The following MAN1A1 variants were observed in gnomAD, a reference collection of about 807,000 sequenced individuals.
MAN1A1 encodes mannosyl-oligosaccharide 1,2-alpha-mannosidase IA.
MAN1A1 carries 29 observed loss-of-function variants against 70.8 expected under a neutral mutation model. The ratio of observed to expected loss-of-function variants is 0.41; its 90% CI spans 0.31 to 0.56. MAN1A1 has a LOEUF of 0.56. Ranked by LOEUF, MAN1A1 falls within the 20% of genes least tolerant of loss-of-function variation. The pLI is 0.29. For missense variants in MAN1A1, 747 were observed against 841.3 expected (o/e 0.89, Z 1.39); for synonymous variants, 349 against 330.1 (o/e 1.06, Z -0.62).
At chr6:119,180,283 C>T in intron 12 of MAN1A1, 29 bp downstream of exon 12, 5 of 1,490,536 alleles carry the variant, frequency 3.4e-6, no homozygotes, top group Non-Finnish European at 4.7e-6. Flanking sequence ...GTACCTTAGC[C>T]ACATGGTTTT....
intron 7 of MAN1A1, 96 bp from the exon 8 acceptor site, chr6:119,201,443 CAG>C (rs1286164899): frequency 3.8e-6 from 3 of 782,044 alleles, no homozygotes; most frequent in Non-Finnish European, 4.4e-6. Context: ...TTAAATGATG[CAG>C]AGTTAGAACA....
intron 6 of MAN1A1, among the ~76,000 whole-genome samples, chr6:119,230,540 C>T (rs975439169): frequency 6.6e-6 from 1 of 152,004 alleles, no homozygotes; most frequent in Non-Finnish European, 1.5e-5. Context: ...TTCTCTTCCC[C>T]TAGCTCTCAT....
At chr6:119,317,734 T>C (rs1772893971) in intron 2 of MAN1A1, among the ~76,000 whole-genome samples, 1 of 152,182 alleles carries the variant, frequency 6.6e-6, no homozygotes, top group East Asian at 1.9e-4. Context: ...GTATAAGCAT[T>C]TCCTTTTTGA....
chr6:119,312,837 C>T (rs1378565752), intron 2 of MAN1A1, among the ~76,000 whole-genome samples: 1 of 152,200 alleles, frequency 6.6e-6, no homozygotes, highest in African/African-American at 2.4e-5. Flanking sequence ...TATATGGGAA[C>T]TCTCTATACT....
At chr6:119,303,351 CTCCAGAT>C (rs1296222621) in intron 3 of MAN1A1, among the ~76,000 whole-genome samples, 1 of 152,182 alleles carries the variant, frequency 6.6e-6, no homozygotes, top group Non-Finnish European at 1.5e-5. Context: ...CATGTCTTAT[CTCCAGAT>C]TCCTTATGGT....
chr6:119,193,922 T>C, intron 8 of MAN1A1, 30 bp from the exon 9 acceptor site: 1 of 1,425,376 alleles, frequency 7.0e-7, no homozygotes, highest in Non-Finnish European at 9.9e-7. Context: ...AATTTTAGAG[T>C]GATTCAGCTT....
At chr6:119,337,315 T>C (rs1190863593) in intron 2 of MAN1A1, among the ~76,000 whole-genome samples, 1 of 152,134 alleles carries the variant, frequency 6.6e-6, no homozygotes, top group Admixed American at 6.5e-5. Context: ...GTATATACAT[T>C]AGAAAGGACT....
chr6:119,312,889 T>C (rs990023819), intron 2 of MAN1A1, among the ~76,000 whole-genome samples: 22 of 152,212 alleles, frequency 1.4e-4, no homozygotes, highest in African/African-American at 4.1e-4. Context: ...GCTCAGAAAA[T>C]ACAGCTTACT....
intron 6 of MAN1A1, among the ~76,000 whole-genome samples, chr6:119,214,962 A>C (rs1385512735): frequency 6.6e-6 from 1 of 151,704 alleles, no homozygotes; most frequent in Non-Finnish European, 1.5e-5. Flanking sequence ...GCATTTTAAA[A>C]TTAGAGATAC....
intron 2 of MAN1A1, among the ~76,000 whole-genome samples, chr6:119,332,913 A>G (rs1207180113): frequency 6.6e-6 from 1 of 152,188 alleles, no homozygotes; most frequent in Non-Finnish European, 1.5e-5. Context: ...TCCGGGCTGC[A>G]TAACACACAA....
Position 119,179,713 on chromosome 6 carries a change from T to C in MAN1A1, c.*106A>G, listed in dbSNP as rs1402806900. ...ACTGCAAAACAATTTAAGAACTTAATCACAGACCTACTAATCAAAGTTCAT... is the reference window on the plus strand; with the variant it reads ...ACTGCAAAACAATTTAAGAACTTAACCACAGACCTACTAATCAAAGTTCAT... On this transcript the variant is annotated 3_prime_UTR_variant, in exon 13 of 13. Coordinates refer to ENST00000368468, the MANE Select transcript of MAN1A1 (RefSeq NM_005907.4). 1 of 1,058,786 alleles carries C rather than the reference T, an allele frequency of 9.4e-7. No homozygotes were observed. Among genetic ancestry groups the C allele is most frequent in the African/African-American group, 1.6e-5 (1 of 62,766 alleles). The allele number at this position is 1,058,786 out of a possible 1,614,324, so 65.6% of individuals were successfully genotyped here. A position where few individuals can be genotyped will look rare whatever the true frequency, so the allele number is the denominator to read the frequency against.
intron 2 of MAN1A1, among the ~76,000 whole-genome samples, chr6:119,320,226 C>T (rs764942471): frequency 1.2e-4 from 18 of 152,278 alleles, no homozygotes; most frequent in Non-Finnish European, 2.5e-4. Context: ...CCTGCCTCCG[C>T]CTCCCAAAGT....
rs147812726 is a variant in MAN1A1 at position 119,202,660 on chromosome 6, G to A, written c.1117-1313C>T. Among the ~76,000 whole-genome samples the A allele has an allele frequency of 3.3e-3, 506 of 152,156 alleles. 5 individuals carry two copies. The highest frequency in any genetic ancestry group is 0.012 in the African/African-American group (482 of 41,500). Reference sequence around the variant, plus strand: ...ACATGTAAGTAACGCATTGCACTACGACATTATGACAACTATGATGTCACA... The same window carrying A: ...ACATGTAAGTAACGCATTGCACTACAACATTATGACAACTATGATGTCACA... On this transcript the variant is annotated intron_variant, in intron 7 of 12. Transcript: ENST00000368468.
intron 6 of MAN1A1, among the ~76,000 whole-genome samples, chr6:119,207,765 G>A (rs1035259248): frequency 2.0e-5 from 3 of 152,204 alleles, no homozygotes; most frequent in African/African-American, 7.2e-5. Flanking sequence ...AAATGGGGGG[G>A]TTGGTGACAA....
At chr6:119,293,245 T>C (rs960202969) in intron 4 of MAN1A1, among the ~76,000 whole-genome samples, 1 of 152,124 alleles carries the variant, frequency 6.6e-6, no homozygotes, top group Non-Finnish European at 1.5e-5. Context: ...GCCAGAAATA[T>C]ATCTTCAGCT....
At chr6:119,240,222 G>A (rs1582726595) in intron 6 of MAN1A1, among the ~76,000 whole-genome samples, 1 of 151,968 alleles carries the variant, frequency 6.6e-6, no homozygotes, top group Non-Finnish European at 1.5e-5. Flanking sequence ...AGCAACTCTC[G>A]GGATAAACTG....
intron 2 of MAN1A1, among the ~76,000 whole-genome samples, chr6:119,309,747 A>AC (rs1399463128): frequency 6.6e-6 from 1 of 152,236 alleles, no homozygotes; most frequent in African/African-American, 2.4e-5. Context: ...TGTGAAAGGA[A>AC]ACAAAGGACC....
intron 7 of MAN1A1, among the ~76,000 whole-genome samples, chr6:119,202,502 A>G (rs1476509993): frequency 1.3e-5 from 2 of 152,230 alleles, no homozygotes; most frequent in Admixed American, 6.5e-5. Context: ...TAAAATAACA[A>G]TAAAAACCAT....
intron 6 of MAN1A1, among the ~76,000 whole-genome samples, chr6:119,210,402 T>C (rs1774014978): frequency 1.3e-5 from 2 of 152,164 alleles, no homozygotes; most frequent in Admixed American, 1.3e-4. Flanking sequence ...TTGGTGTATT[T>C]AGATGGGCAT....
Sources: allele counts gnomAD v4.1 joint callset (sites outside exome capture counted in the v4.1 genomes callset), GRCh38; gene constraint gnomAD v4.1.1; transcripts MANE v1.5; gene names NCBI Gene and HGNC (gene_info 2026-07-23, HGNC 2026-07-21).